LRMDA: variants seen among roughly 807,000 people sequenced by gnomAD.
LRMDA encodes the protein leucine-rich melanocyte differentiation-associated protein.
LRMDA carries 18 observed loss-of-function variants against 29.8 expected under a neutral mutation model. The observed-to-expected ratio is 0.60, with a 90% CI of 0.42 to 0.90. The LOEUF (loss-of-function observed/expected upper bound fraction) is 0.90. Ranked by LOEUF, LRMDA falls within the 40% of genes least tolerant of loss-of-function variation. LRMDA has a pLI of 0.00. For missense variants in LRMDA, 273 were observed against 273.9 expected, an observed-to-expected ratio of 1.00 and a Z score of 0.02; for synonymous variants, 125 against 109.4, an observed-to-expected ratio of 1.14 and a Z score of -0.89.
chr10:75,483,086 A>G (rs1844871307), intron 2 of LRMDA, among the ~76,000 whole-genome samples: 1 of 152,092 alleles, frequency 6.6e-6, no homozygotes, highest in Admixed American at 6.6e-5. Context: ...CTGGGACTGT[A>G]GGTGTGCACC....
intron 5 of LRMDA, among the ~76,000 whole-genome samples, chr10:76,187,921 C>T (rs1451773229): frequency 6.6e-6 from 1 of 152,132 alleles, no homozygotes. Context: ...ATGAGGGTGT[C>T]ATTCTCCTAG....
intron 5 of LRMDA, among the ~76,000 whole-genome samples, chr10:76,186,405 G>A (rs540963955): frequency 6.6e-6 from 1 of 152,272 alleles, no homozygotes; most frequent in African/African-American, 2.4e-5. Flanking sequence ...TGCTTTTCAG[G>A]GTTGGCCATG....
At chr10:75,468,370 C>A (rs2132043440) in intron 2 of LRMDA, among the ~76,000 whole-genome samples, 1 of 152,194 alleles carries the variant, frequency 6.6e-6, no homozygotes, top group South Asian at 2.1e-4. Flanking sequence ...ATCTTCATTT[C>A]TTTGTTATTG....
rs893342781 is a variant in LRMDA at position 75,509,483 on chromosome 10, GCTCT to G, written c.131+70992_131+70995del. ...TGTCTAGAAAGACTTTAAGACTGTG[GCTCT>G]CTGAGAGTTACAGAATACTGATGCC... On this transcript the variant is annotated intron_variant, in intron 2 of 6. Coordinates refer to ENST00000611255, the MANE Select transcript of LRMDA (RefSeq NM_001305581.2). Among the ~76,000 whole-genome samples, 45 of 152,230 alleles carry G rather than the reference GCTCT, an allele frequency of 3.0e-4. 1 individual carries two copies. The highest frequency in any genetic ancestry group is 3.4e-3 in the Middle Eastern group (1 of 294).
intron 5 of LRMDA, among the ~76,000 whole-genome samples, chr10:76,209,982 C>G (rs1851606812): frequency 6.6e-6 from 1 of 152,160 alleles, no homozygotes; most frequent in Admixed American, 6.5e-5. Flanking sequence ...GCAGGAGATG[C>G]ATAAAAAGTG....
chr10:75,915,836 AG>A (rs1398924655), intron 2 of LRMDA, among the ~76,000 whole-genome samples: 1 of 152,220 alleles, frequency 6.6e-6, no homozygotes, highest in East Asian at 1.9e-4. Flanking sequence ...ATAAGTAGCT[AG>A]AATACCAGGC....
At chr10:76,023,711 TG>T (rs1396381804) in intron 2 of LRMDA, among the ~76,000 whole-genome samples, 4 of 152,330 alleles carry the variant, frequency 2.6e-5, no homozygotes, top group Non-Finnish European at 5.9e-5. Context: ...TCAGGTTCCT[TG>T]GTTGTTCCTA....
At chr10:75,942,796 T>C (rs113883511) in intron 2 of LRMDA, among the ~76,000 whole-genome samples, 16 of 152,288 alleles carry the variant, frequency 1.1e-4, no homozygotes, top group African/African-American at 3.1e-4. Context: ...GCTTGGAACA[T>C]AGTTCATGGC....
intron 2 of LRMDA, among the ~76,000 whole-genome samples, chr10:75,562,104 T>C (rs1484076650): frequency 6.6e-6 from 1 of 152,026 alleles, no homozygotes; most frequent in Non-Finnish European, 1.5e-5. Context: ...TTCTGTCTCG[T>C]TGATCTGTCT....
intron 2 of LRMDA, among the ~76,000 whole-genome samples, chr10:75,924,505 G>A (rs1001751241): frequency 6.6e-6 from 1 of 152,170 alleles, no homozygotes; most frequent in Non-Finnish European, 1.5e-5. Context: ...GCGTGCTGAG[G>A]GGGAGAGAAC....
intron 5 of LRMDA, among the ~76,000 whole-genome samples, chr10:76,300,733 T>C (rs567987588): frequency 1.5e-3 from 225 of 152,318 alleles, no homozygotes; most frequent in African/African-American, 5.3e-3. Context: ...TTACCTTAAT[T>C]TGCAACAGTT....
chr10:75,633,930 A>T (rs984583152), intron 2 of LRMDA, among the ~76,000 whole-genome samples: 1 of 152,210 alleles, frequency 6.6e-6, no homozygotes, highest in Non-Finnish European at 1.5e-5. Flanking sequence ...AAATTAAGGA[A>T]TATCTATTTA....
At chr10:75,772,855 T>TGTG (rs1554824982) in intron 2 of LRMDA, among the ~76,000 whole-genome samples, 1 of 9,052 alleles carries the variant, frequency 1.1e-4, no homozygotes, top group Non-Finnish European at 2.4e-4. Context: ...TCTTATTTTT[T>TGTG]GGGGGGGGTG....
chr10:76,011,716 G>A (rs1847785145), intron 2 of LRMDA, among the ~76,000 whole-genome samples: 1 of 152,190 alleles, frequency 6.6e-6, no homozygotes, highest in South Asian at 2.1e-4. Flanking sequence ...TTAACACCAT[G>A]TGCCCTTCCC....
At position 76,558,327 on chromosome 10, in the gene LRMDA, C is replaced by T. The variant is rs530659588; in HGVS notation, c.*1039C>T. On this transcript the variant is annotated 3_prime_UTR_variant, in exon 7 of 7. Coordinates refer to ENST00000611255, the MANE Select transcript of LRMDA (RefSeq NM_001305581.2). ...GACCAAAGAGTTTTTATAGAAGGCA[C>T]AAACCTTTTGGATTTTGCATCTTTG... The T allele has an allele frequency of 3.9e-5, 6 of 152,170 alleles. No homozygotes were observed. Among genetic ancestry groups the T allele is most frequent in the Non-Finnish European group, 7.4e-5 (5 of 68,016 alleles). The allele number at this position is 152,170 out of a possible 1,614,324, so 9.4% of individuals were successfully genotyped here.
chr10:76,034,170 A>T (rs1206429671), intron 2 of LRMDA, among the ~76,000 whole-genome samples: 1 of 152,026 alleles, frequency 6.6e-6, no homozygotes, highest in African/African-American at 2.4e-5. Flanking sequence ...ATGTGCGTAC[A>T]TTGTGGGTTT....
intron 5 of LRMDA, among the ~76,000 whole-genome samples, chr10:76,176,622 C>T (rs890052970): frequency 4.6e-5 from 7 of 152,222 alleles, no homozygotes; most frequent in Admixed American, 1.3e-4. Flanking sequence ...GGTGAAACCC[C>T]GTCTCTACTA....
intron 2 of LRMDA, among the ~76,000 whole-genome samples, chr10:75,955,379 G>A (rs1846646870): frequency 6.6e-6 from 1 of 152,124 alleles, no homozygotes; most frequent in African/African-American, 2.4e-5. Context: ...GATGCCTCTG[G>A]GCTCTCACCT....
At chr10:76,405,644 G>A (rs2132502014) in intron 6 of LRMDA, among the ~76,000 whole-genome samples, 4 of 152,336 alleles carry the variant, frequency 2.6e-5, no homozygotes, top group African/African-American at 9.6e-5. Context: ...GGATGTGTTT[G>A]TAATTGGACC....
Sources: gnomAD v4.1 joint callset for allele counts (sites outside exome capture counted in the v4.1 genomes callset) on GRCh38, gnomAD v4.1.1 for gene constraint, MANE v1.5 for transcripts, NCBI Gene and HGNC (gene_info 2026-07-23, HGNC 2026-07-21) for gene names.